The following RAD51B variants were observed in gnomAD, a reference collection of about 807,000 sequenced individuals.
RAD51B encodes the protein RAD51 paralog B, also known as DNA repair protein RAD51 homolog 2.
Under a neutral mutation model 42.2 loss-of-function variants are expected in RAD51B, and 38 were observed. The observed-to-expected ratio is 0.90, with a 90% CI of 0.70 to 1.18. The LOEUF (loss-of-function observed/expected upper bound fraction) is 1.18. RAD51B is among the 50% of genes most tolerant of loss of function. The probability of loss-of-function intolerance (pLI) is 0.00; values close to 1 mark genes in which losing one functional copy is unlikely to be tolerated. For missense variants in RAD51B, 373 were observed against 400.7 expected, an observed-to-expected ratio of 0.93 and a Z score of 0.59; for synonymous variants, 154 against 145.2, an observed-to-expected ratio of 1.06 and a Z score of -0.43.
intron 8 of RAD51B, among the ~76,000 whole-genome samples, chr14:68,325,254 AATATGTAAAAC>A (rs1303278422): frequency 6.6e-6 from 1 of 152,240 alleles, no homozygotes; most frequent in African/African-American, 2.4e-5. Context: ...AATGCATTAA[AATATGTAAAAC>A]ACTTAGCACA....
intron 7 of RAD51B, among the ~76,000 whole-genome samples, chr14:68,155,252 C>T (rs904333322): frequency 5.3e-5 from 8 of 150,392 alleles, no homozygotes; most frequent in South Asian, 2.1e-4. Flanking sequence ...AGTGCAGTGG[C>T]GTGATCTCAG....
At chr14:68,654,958 A>G (rs1892780176) in intron 11 of RAD51B, among the ~76,000 whole-genome samples, 1 of 151,890 alleles carries the variant, frequency 6.6e-6, no homozygotes, top group Non-Finnish European at 1.5e-5. Flanking sequence ...CTGCCTTCCC[A>G]GGTAAGTTAG....
chr14:68,682,883 T>C (rs1893462682), intron 11 of RAD51B: 4 of 931,198 alleles, frequency 4.3e-6, no homozygotes, highest in Non-Finnish European at 2.6e-6. Context: ...GGCTTTTTTT[T>C]TTTTAATAAA....
chr14:67,969,065 C>A (rs1257775684), intron 7 of RAD51B, among the ~76,000 whole-genome samples: 1 of 152,126 alleles, frequency 6.6e-6, no homozygotes, highest in Admixed American at 6.5e-5. Context: ...ATAAAACCAT[C>A]AGATCTCATG....
chr14:67,849,274 CTTTCTT>C (rs756341955), intron 4 of RAD51B, among the ~76,000 whole-genome samples: 108 of 152,126 alleles, frequency 7.1e-4, no homozygotes, highest in Non-Finnish European at 1.1e-3. Flanking sequence ...TTTATTCTTT[CTTTCTT>C]TTTTTTTCTT....
intron 5 of RAD51B, among the ~76,000 whole-genome samples, chr14:67,880,746 A>G (rs764310982): frequency 6.6e-6 from 1 of 152,154 alleles, no homozygotes; most frequent in Non-Finnish European, 1.5e-5. Flanking sequence ...ATTCGATGTT[A>G]AACATTGTAA....
intron 8 of RAD51B, among the ~76,000 whole-genome samples, chr14:68,386,385 C>T (rs2083594388): frequency 2.0e-5 from 3 of 152,194 alleles, no homozygotes; most frequent in Non-Finnish European, 4.4e-5. Context: ...AATATAAAGG[C>T]GTTTACAAGC....
intron 5 of RAD51B, among the ~76,000 whole-genome samples, chr14:67,874,359 A>G (rs2042654023): frequency 6.6e-6 from 1 of 152,132 alleles, no homozygotes; most frequent in Non-Finnish European, 1.5e-5. Context: ...ACAGCCCAGG[A>G]TGGCTTTGAA....
intron 7 of RAD51B, among the ~76,000 whole-genome samples, chr14:68,137,746 A>C (rs1000329969): frequency 6.6e-6 from 1 of 152,254 alleles, no homozygotes; most frequent in African/African-American, 2.4e-5. Flanking sequence ...GGTGAACAAG[A>C]GCAGTCTATT....
chr14:68,224,686 C>T (rs796985026), intron 7 of RAD51B, among the ~76,000 whole-genome samples: 1 of 151,930 alleles, frequency 6.6e-6, no homozygotes, highest in African/African-American at 2.4e-5. Flanking sequence ...CAAAAGACAT[C>T]TTAAAAAGCT....
intron 10 of RAD51B, among the ~76,000 whole-genome samples, chr14:68,571,834 C>T (rs2140041161): frequency 6.6e-6 from 1 of 151,804 alleles, no homozygotes; most frequent in South Asian, 2.1e-4. Context: ...TTTTGAGAAT[C>T]TCCTTGGCTC....
intron 7 of RAD51B, among the ~76,000 whole-genome samples, chr14:68,238,879 G>A (rs1031110442): frequency 6.6e-6 from 1 of 152,118 alleles, no homozygotes; most frequent in Non-Finnish European, 1.5e-5. Context: ...GCTCTTCTTA[G>A]CCTGTTTCTG....
At chr14:68,639,103 G>A (rs943769247) in intron 10 of RAD51B, among the ~76,000 whole-genome samples, 5 of 152,172 alleles carry the variant, frequency 3.3e-5, no homozygotes, top group African/African-American at 1.2e-4. Flanking sequence ...CTTCCTTGGG[G>A]GAGGGGAGAG....
At chr14:68,478,504 C>A (rs1882900794), downstream of RAD51B, among the ~76,000 whole-genome samples, 1 of 152,216 alleles carries the variant, frequency 6.6e-6, no homozygotes, top group South Asian at 2.1e-4. Context: ...TCCAGTAGAA[C>A]ACCCAGCCTA....
intron 9 of RAD51B, among the ~76,000 whole-genome samples, chr14:68,446,883 A>G (rs1566889494): frequency 6.6e-6 from 1 of 152,184 alleles, no homozygotes; most frequent in Non-Finnish European, 1.5e-5. Flanking sequence ...TTTGGTCTCA[A>G]TCACATCTCT....
At chr14:68,313,563 C>T (rs1025485288) in intron 8 of RAD51B, among the ~76,000 whole-genome samples, 4 of 152,174 alleles carry the variant, frequency 2.6e-5, no homozygotes, top group South Asian at 2.1e-4. Context: ...GCCCCAGCAA[C>T]AGTGGCCCTT....
intron 11 of RAD51B, among the ~76,000 whole-genome samples, chr14:68,655,348 G>A (rs1892790943): frequency 6.6e-6 from 1 of 152,140 alleles, no homozygotes; most frequent in Non-Finnish European, 1.5e-5. Context: ...TTTAGGACTT[G>A]GAACAGCCCC....
intron 11 of RAD51B, among the ~76,000 whole-genome samples, chr14:68,659,059 C>A (rs1335064632): frequency 1.3e-5 from 2 of 152,200 alleles, no homozygotes; most frequent in African/African-American, 4.8e-5. Flanking sequence ...AGGTCTGCTG[C>A]TGGCAAGGGT....
intron 7 of RAD51B, among the ~76,000 whole-genome samples, chr14:68,196,176 G>T (rs1383783305): frequency 3.4e-5 from 5 of 148,772 alleles, no homozygotes; most frequent in African/African-American, 1.2e-4. Context: ...GGGCGACAGA[G>T]TGAGACTCCA....
Sources: gnomAD v4.1 joint callset for allele counts (sites outside exome capture counted in the v4.1 genomes callset) on GRCh38, gnomAD v4.1.1 for gene constraint, MANE v1.5 for transcripts, NCBI Gene and HGNC (gene_info 2026-07-23, HGNC 2026-07-21) for gene names.